Variants in NRXN3 observed in about 807,000 individuals in gnomAD.
The protein encoded by NRXN3 is neurexin III.
A neutral mutation model predicts 137.6 loss-of-function variants in NRXN3; 32 were observed. That is an observed-to-expected ratio of 0.23 (90% CI 0.18 to 0.31). NRXN3 has a LOEUF of 0.31. Among genes scored for constraint, NRXN3 ranks in the 10% least tolerant of loss-of-function variants. The pLI, the probability that NRXN3 is intolerant of heterozygous loss-of-function variation, is 1.00. For missense variants in NRXN3, 1,574 were observed against 2,062.5 expected (o/e 0.76, Z 4.59); for synonymous variants, 798 against 784.5 (o/e 1.02, Z -0.29).
intron 15 of NRXN3, among the ~76,000 whole-genome samples, chr14:79,440,225 AT>A (rs1230129735): frequency 6.6e-6 from 1 of 152,206 alleles, no homozygotes; most frequent in Non-Finnish European, 1.5e-5. Flanking sequence ...GAGCCTTTGG[AT>A]TCAGCCAAGG....
At chr14:79,056,535 T>G (rs1271260094) in intron 15 of NRXN3, among the ~76,000 whole-genome samples, 1 of 152,182 alleles carries the variant, frequency 6.6e-6, no homozygotes, top group Admixed American at 6.5e-5. Flanking sequence ...ATTAATCCTG[T>G]CCGGGGTTCA....
intron 15 of NRXN3, among the ~76,000 whole-genome samples, chr14:79,386,990 A>C (rs1170359885): frequency 6.6e-6 from 1 of 152,228 alleles, no homozygotes; most frequent in Non-Finnish European, 1.5e-5. Context: ...ACCTAAAACC[A>C]TAAAAACTCT....
intron 4 of NRXN3, among the ~76,000 whole-genome samples, chr14:78,571,975 G>T (rs1029087275): frequency 6.6e-6 from 1 of 152,124 alleles, no homozygotes; most frequent in African/African-American, 2.4e-5. Flanking sequence ...CACTCCTTGT[G>T]GTGTGTTTGT....
At chr14:78,879,426 T>A (rs1327645025) in intron 10 of NRXN3, among the ~76,000 whole-genome samples, 1 of 152,206 alleles carries the variant, frequency 6.6e-6, no homozygotes, top group Non-Finnish European at 1.5e-5. Context: ...TAGCTAGGTA[T>A]AAGGTGATAT....
intron 4 of NRXN3, among the ~76,000 whole-genome samples, chr14:78,581,239 T>G (rs1484743938): frequency 6.6e-6 from 1 of 152,212 alleles, no homozygotes; most frequent in Non-Finnish European, 1.5e-5. Context: ...CTCAGTCCAT[T>G]TGTGCTGCTG....
intron 10 of NRXN3, 101 bp from the exon 11 acceptor site, chr14:78,957,141 A>G: frequency 8.0e-7 from 1 of 1,257,606 alleles, no homozygotes; most frequent in South Asian, 1.4e-5. Context: ...AATTCCTTGA[A>G]TGCTGCTGGG....
chr14:79,751,901 C>T (rs998338402), intron 19 of NRXN3, among the ~76,000 whole-genome samples: 11 of 152,176 alleles, frequency 7.2e-5, no homozygotes, highest in Admixed American at 2.6e-4. Flanking sequence ...TTGAACCAGC[C>T]TTGCATCCCA....
chr14:78,620,600 A>C (rs2097394333), intron 4 of NRXN3, among the ~76,000 whole-genome samples: 1 of 152,156 alleles, frequency 6.6e-6, no homozygotes, highest in South Asian at 2.1e-4. Flanking sequence ...TGAGAATCAG[A>C]ATATAGAGGA....
At chr14:79,477,577 T>C (rs917345485) in intron 16 of NRXN3, among the ~76,000 whole-genome samples, 3 of 152,136 alleles carry the variant, frequency 2.0e-5, no homozygotes, top group African/African-American at 7.2e-5. Context: ...GATTTGAGTT[T>C]TATACCAATG....
At chr14:78,317,293 T>C (rs866818182) in intron 4 of NRXN3, among the ~76,000 whole-genome samples, 9 of 152,146 alleles carry the variant, frequency 5.9e-5, no homozygotes, top group African/African-American at 2.2e-4. Flanking sequence ...TCATGACCTG[T>C]TGGGAACCAG....
At chr14:78,916,923 G>A (rs556176353) in intron 10 of NRXN3, among the ~76,000 whole-genome samples, 1 of 152,164 alleles carries the variant, frequency 6.6e-6, no homozygotes, top group Admixed American at 6.5e-5. Flanking sequence ...TCTTTACATT[G>A]TCTTCCTGCT....
chr14:78,480,674 G>C (rs2095457700), intron 4 of NRXN3, among the ~76,000 whole-genome samples: 1 of 152,064 alleles, frequency 6.6e-6, no homozygotes, highest in South Asian at 2.1e-4. Flanking sequence ...CAATGTTCAG[G>C]ATACATCCTT....
chr14:78,882,256 C>G (rs183245151), intron 10 of NRXN3, among the ~76,000 whole-genome samples: 1 of 151,748 alleles, frequency 6.6e-6, no homozygotes, highest in Non-Finnish European at 1.5e-5. Flanking sequence ...GGAGCCCCCA[C>G]ACGGAGTCCC....
At chr14:79,010,204 T>C (rs955417397) in intron 15 of NRXN3, among the ~76,000 whole-genome samples, 1 of 152,190 alleles carries the variant, frequency 6.6e-6, no homozygotes, top group Non-Finnish European at 1.5e-5. Context: ...TCCAAGGTAG[T>C]CTCTAAATCC....
intron 5 of NRXN3, among the ~76,000 whole-genome samples, chr14:78,645,888 A>T (rs1309554737): frequency 6.6e-6 from 1 of 152,056 alleles, no homozygotes; most frequent in Non-Finnish European, 1.5e-5. Context: ...TTCCAGAAAA[A>T]GTCTTCCTTT....
intron 10 of NRXN3, among the ~76,000 whole-genome samples, chr14:78,915,345 C>CAAAAAAAAAAAAAAAAAAAAAAAAA (rs35908076): frequency 8.9e-5 from 1 of 11,190 alleles, no homozygotes; most frequent in African/African-American, 2.8e-4. Flanking sequence ...ACGTGTGAAG[C>CAAAAAAAAAAAAAAAAAAAAAAAAA]AAAAAAAAAA....
chr14:78,240,117 C>G (rs2066891119), intron 1 of NRXN3, among the ~76,000 whole-genome samples: 1 of 152,220 alleles, frequency 6.6e-6, no homozygotes, highest in African/African-American at 2.4e-5. Flanking sequence ...TCATGCCAAC[C>G]AGTCAAAGTT....
chr14:79,858,950 G>T (rs1020642708), intron 20 of NRXN3, among the ~76,000 whole-genome samples: 1 of 147,188 alleles, frequency 6.8e-6, no homozygotes, highest in Non-Finnish European at 1.5e-5. Flanking sequence ...AAGTTGTAAG[G>T]CATATGAATT....
intron 10 of NRXN3, among the ~76,000 whole-genome samples, chr14:78,950,289 G>A (rs983077260): frequency 1.4e-4 from 21 of 152,160 alleles, no homozygotes; most frequent in Admixed American, 1.2e-3. Context: ...CCACTGCTGA[G>A]CACTGCTGTA....
Sources: gnomAD v4.1 joint callset for allele counts (sites outside exome capture counted in the v4.1 genomes callset) on GRCh38, gnomAD v4.1.1 for gene constraint, MANE v1.5 for transcripts, NCBI Gene and HGNC (gene_info 2026-07-23, HGNC 2026-07-21) for gene names.